Variants in NEK10 observed in about 807,000 individuals in gnomAD.
NEK10 encodes the protein NIMA related kinase 10.
NEK10 carries 122 observed loss-of-function variants against 159.8 expected under a neutral mutation model. The observed-to-expected ratio is 0.76, with a 90% CI of 0.66 to 0.89. NEK10 has a LOEUF of 0.89. Ranked by LOEUF, NEK10 falls within the 40% of genes least tolerant of loss-of-function variation. The pLI is 0.00. For synonymous variants in NEK10, 466 were observed against 457.1 expected (o/e 1.02, Z -0.25); for missense variants, 1,342 against 1,323.1 (o/e 1.01, Z -0.22).
At chr3:27,137,090 A>G (rs187369490) in intron 31 of NEK10, among the ~76,000 whole-genome samples, 1 of 152,204 alleles carries the variant, frequency 6.6e-6, no homozygotes, top group Non-Finnish European at 1.5e-5. Flanking sequence ...TTTGAAAGTC[A>G]TTGACTTTGT....
intron 31 of NEK10, among the ~76,000 whole-genome samples, chr3:27,138,872 G>A (rs1943494259): frequency 6.6e-6 from 1 of 152,222 alleles, no homozygotes; most frequent in African/African-American, 2.4e-5. Context: ...CCAAATAGCT[G>A]CTGTTCTTGA....
chr3:27,214,720 G>A lies in NEK10; in HGVS notation c.2091-12163C>T, dbSNP rs1007523256. The A allele has an allele frequency of 6.2e-5, 44 of 704,462 alleles. No homozygotes were observed. In the African/African-American group the frequency reaches 7.1e-4, roughly 11 times the overall value. 43.6% of individuals were successfully genotyped at this position (704,462 alleles called of 1,614,324 possible). ...ACAGAAGAATGGCAGCTTACTTCACGGCACTTCAGTATTCCTGAGGAATAA... is the reference window on the plus strand; with the variant it reads ...ACAGAAGAATGGCAGCTTACTTCACAGCACTTCAGTATTCCTGAGGAATAA... On this transcript the variant is annotated intron_variant, in intron 23 of 35. Transcript: ENST00000691995.
At chr3:27,187,359 T>A (rs73151232) in intron 26 of NEK10, among the ~76,000 whole-genome samples, 12,879 of 152,216 alleles carry the variant, frequency 0.085, 1,800 homozygotes, top group African/African-American at 0.29. Context: ...TAATTGATCC[T>A]GACTACTACT....
At chr3:27,288,892 C>T (rs1416182992) in intron 19 of NEK10, among the ~76,000 whole-genome samples, 8 of 152,110 alleles carry the variant, frequency 5.3e-5, no homozygotes, top group Admixed American at 5.2e-4. Context: ...ACCTGCTGTC[C>T]CATTGCAATA....
At chr3:27,145,374 G>T (rs2148708683) in intron 30 of NEK10, among the ~76,000 whole-genome samples, 1 of 152,094 alleles carries the variant, frequency 6.6e-6, no homozygotes, top group East Asian at 1.9e-4. Context: ...GGGATACTTT[G>T]TATTCTTTTA....
intron 26 of NEK10, among the ~76,000 whole-genome samples, chr3:27,188,637 G>A (rs964056962): frequency 6.6e-6 from 1 of 152,160 alleles, no homozygotes; most frequent in African/African-American, 2.4e-5. Flanking sequence ...CACACTGACA[G>A]CATGCTTCTC....
chr3:27,260,524 A>C (rs1274321078), intron 22 of NEK10, among the ~76,000 whole-genome samples: 4 of 152,180 alleles, frequency 2.6e-5, no homozygotes, highest in Non-Finnish European at 4.4e-5. Context: ...GATTACGTTT[A>C]TTGATTTGCG....
At chr3:27,169,675 C>T (rs576848302) in intron 29 of NEK10, among the ~76,000 whole-genome samples, 52 of 152,284 alleles carry the variant, frequency 3.4e-4, no homozygotes, top group African/African-American at 1.0e-3. Context: ...ACTGAATCCC[C>T]CAGGAATTTG....
chr3:27,277,162 C>A (rs2041832319), intron 22 of NEK10, among the ~76,000 whole-genome samples: 3 of 152,068 alleles, frequency 2.0e-5, no homozygotes, highest in South Asian at 4.2e-4. Flanking sequence ...GGAGCTCTGG[C>A]AACCATCCTG....
intron 23 of NEK10, chr3:27,255,376 G>T: frequency 3.0e-6 from 1 of 327,952 alleles, no homozygotes; most frequent in East Asian, 8.8e-5. Flanking sequence ...ACATTATTCT[G>T]AACACTTCTG....
At chr3:27,345,993 G>C (rs993295147) in intron 4 of NEK10, 93 bp downstream of exon 4, 3 of 1,240,888 alleles carry the variant, frequency 2.4e-6, no homozygotes, top group Non-Finnish European at 3.4e-6. Context: ...TTTGAAGCGG[G>C]TTTTAAATTT....
intron 31 of NEK10, among the ~76,000 whole-genome samples, chr3:27,135,381 T>C (rs1235921147): frequency 6.6e-6 from 1 of 152,238 alleles, no homozygotes; most frequent in Non-Finnish European, 1.5e-5. Flanking sequence ...TTCCTCAAAG[T>C]CACACACCTA....
chr3:27,157,116 T>C (rs1257843861), intron 30 of NEK10, among the ~76,000 whole-genome samples: 2 of 151,272 alleles, frequency 1.3e-5, no homozygotes, highest in Non-Finnish European at 2.9e-5. Flanking sequence ...CACTGATATG[T>C]GGGAGCTAAG....
At chr3:27,205,545 A>G (rs1950471550) in intron 23 of NEK10, among the ~76,000 whole-genome samples, 1 of 106,550 alleles carries the variant, frequency 9.4e-6, no homozygotes, top group African/African-American at 4.5e-5. Flanking sequence ...GCCCTCAGAA[A>G]TAATGCCGCA....
intron 35 of NEK10, among the ~76,000 whole-genome samples, chr3:27,115,684 T>A (rs1418520565): frequency 6.6e-6 from 1 of 152,212 alleles, no homozygotes. Context: ...TATTTATGAT[T>A]TTTTATGGGA....
chr3:27,168,092 C>T (rs1240236353), intron 29 of NEK10, among the ~76,000 whole-genome samples: 3 of 152,246 alleles, frequency 2.0e-5, no homozygotes, highest in Middle Eastern at 6.8e-3. Context: ...GCCAGGGCCA[C>T]GTCTGACTTC....
intron 26 of NEK10, among the ~76,000 whole-genome samples, chr3:27,188,026 C>G (rs1218371203): frequency 1.3e-5 from 2 of 152,190 alleles, no homozygotes; most frequent in Non-Finnish European, 2.9e-5. Flanking sequence ...TTGGACAAGT[C>G]TTTTAACTTC....
rs550574037 is a variant in NEK10 at position 27,171,880 on chromosome 3, C to A, written c.2777-7G>T. ...AAACTTCTCTTTAAAATGTCTGAGACGAGAAAATAGAAATAACTTTACATT... is the reference window on the plus strand; with the variant it reads ...AAACTTCTCTTTAAAATGTCTGAGAAGAGAAAATAGAAATAACTTTACATT... On this transcript the variant is annotated splice_region_variant and splice_polypyrimidine_tract_variant and intron_variant, in intron 28 of 35. Coordinates refer to ENST00000691995, the MANE Select transcript of NEK10 (RefSeq NM_001394966.1). 1.9e-6 allele frequency: 3 copies of A among 1,610,496 alleles called. No homozygotes were observed. Among genetic ancestry groups the A allele is most frequent in the South Asian group, 2.2e-5 (2 of 90,352 alleles).
At chr3:27,345,350 A>G (rs1428314989) in intron 4 of NEK10, among the ~76,000 whole-genome samples, 2 of 152,216 alleles carry the variant, frequency 1.3e-5, no homozygotes, top group Admixed American at 1.3e-4. Context: ...CACTAAAAAT[A>G]TATTTTTAAA....
Sources: allele counts gnomAD v4.1 joint callset (sites outside exome capture counted in the v4.1 genomes callset), GRCh38; gene constraint gnomAD v4.1.1; transcripts MANE v1.5; gene names NCBI Gene and HGNC (gene_info 2026-07-23, HGNC 2026-07-21).